Variants in TRPM1 observed in about 807,000 individuals in gnomAD.
TRPM1 encodes the protein transient receptor potential cation channel subfamily M member 1, also known as TRPM1-203 APA Isoform, Intron 10.
In TRPM1, 113 loss-of-function variants were observed where a neutral mutation model predicts 149.4. The ratio of observed to expected loss-of-function variants is 0.76; its 90% CI spans 0.65 to 0.88. The LOEUF (loss-of-function observed/expected upper bound fraction) is 0.88, where lower values mean the gene tolerates loss of function less well. TRPM1 is among the 40% of genes least tolerant of loss of function. The probability of loss-of-function intolerance (pLI) is 0.00; values close to 1 mark genes in which losing one functional copy is unlikely to be tolerated. For synonymous variants in TRPM1, 741 were observed against 759.5 expected, an observed-to-expected ratio of 0.98 and a Z score of 0.40; for missense variants, 1,976 against 2,038.7, an observed-to-expected ratio of 0.97 and a Z score of 0.59.
chr15:31,060,698 G>A, intron 10 of TRPM1, 54 bp from the exon 11 acceptor site: 1 of 1,457,708 alleles, frequency 6.9e-7, no homozygotes. Flanking sequence ...GACCGCCAGG[G>A]TTTGGCAGGT....
At chr15:31,034,315 T>G (rs957454811) in intron 21 of TRPM1, among the ~76,000 whole-genome samples, 1 of 152,220 alleles carries the variant, frequency 6.6e-6, no homozygotes, top group Non-Finnish European at 1.5e-5. Context: ...AATACTGAGT[T>G]GAAAATCCTG....
intron 20 of TRPM1, 195 bp from the exon 21 acceptor site, chr15:31,035,869 T>C (rs2033344777): frequency 1.4e-6 from 1 of 714,150 alleles, no homozygotes; most frequent in South Asian, 1.7e-5. Flanking sequence ...AGGCATTTTA[T>C]ACTTCAGCAC....
At chr15:31,020,520 T>C (rs1489800546) in intron 27 of TRPM1, among the ~76,000 whole-genome samples, 1 of 152,214 alleles carries the variant, frequency 6.6e-6, no homozygotes, top group Non-Finnish European at 1.5e-5. Context: ...AGCCATGTTA[T>C]CTAATTTAAC....
At position 31,113,562 on chromosome 15, in the gene TRPM1, T is replaced by TA. The variant is rs200171863; in HGVS notation, c.55-36579dup. On this transcript the variant is annotated intron_variant, in intron 1 of 26. Transcript: ENST00000542188. Reference sequence around the variant, plus strand: ...TTTGTACTCCTAAAATGTTTTTTTTTAACTTTAGGTTCCCCCATACAACTG... The same window carrying TA: ...TTTGTACTCCTAAAATGTTTTTTTTTAAACTTTAGGTTCCCCCATACAACTG... 2.5e-3 allele frequency among the ~76,000 whole-genome samples: 377 copies of TA among 152,314 alleles called. 1 individual carries two copies. Among genetic ancestry groups the TA allele is most frequent in the African/African-American group, 8.8e-3 (365 of 41,552 alleles).
intron 1 of TRPM1, among the ~76,000 whole-genome samples, chr15:31,145,251 T>G (rs903441884): frequency 2.0e-5 from 3 of 152,150 alleles, no homozygotes; most frequent in African/African-American, 7.2e-5. Context: ...GTCAGAGACG[T>G]TCAAACTGGA....
At chr15:31,079,186 T>C (rs766987776) in intron 2 of TRPM1, among the ~76,000 whole-genome samples, 3 of 152,212 alleles carry the variant, frequency 2.0e-5, no homozygotes, top group Non-Finnish European at 4.4e-5. Flanking sequence ...TATAGAGATA[T>C]AACATATTGC....
At chr15:31,088,804 G>GC (rs1458766026) in intron 1 of TRPM1, among the ~76,000 whole-genome samples, 1 of 151,940 alleles carries the variant, frequency 6.6e-6, no homozygotes, top group African/African-American at 2.4e-5. Context: ...CTTTCTGCTG[G>GC]GGGGATGCGT....
chr15:31,059,183 G>A (rs1404954148), intron 11 of TRPM1, among the ~76,000 whole-genome samples: 3 of 152,062 alleles, frequency 2.0e-5, no homozygotes, highest in Non-Finnish European at 4.4e-5. Flanking sequence ...ATTACCAAGT[G>A]GAGAATTGAT....
rs1407053683 is a variant in TRPM1, at chr15:31,040,756, G to A, written c.2088-410C>T. On this transcript the variant is annotated intron_variant, in intron 17 of 27. Transcript: ENST00000256552. This position sits in a 1 kb window ranked among gnomAD's most constrained non-coding sequence, Gnocchi z 4.2. ...GGCCACAGTAGCGGGGCTGCTGGTG[G>A]TGGTGGTGGCGGGAGGTGGACACTG... is the stretch of plus-strand genomic sequence containing the variant. Among the ~76,000 whole-genome samples the A allele has an allele frequency of 3.3e-5, 5 of 152,232 alleles. No homozygotes were observed. The highest frequency in any genetic ancestry group is 5.9e-5 in the Non-Finnish European group (4 of 68,042).
At chr15:31,013,891 T>C (rs1006235836) in intron 27 of TRPM1, among the ~76,000 whole-genome samples, 25 of 152,222 alleles carry the variant, frequency 1.6e-4, no homozygotes, top group African/African-American at 5.5e-4. Context: ...TTTCCTTAAA[T>C]GTGTGGAACA....
chr15:31,030,927 C>A, intron 23 of TRPM1, 56 bp downstream of exon 23: 6 of 1,599,062 alleles, frequency 3.8e-6, no homozygotes, highest in Non-Finnish European at 5.1e-6. Flanking sequence ...TAATTTGGAA[C>A]TGATCATCTG....
At chr15:31,113,762 G>C (rs144750683) in intron 1 of TRPM1, among the ~76,000 whole-genome samples, 1 of 152,152 alleles carries the variant, frequency 6.6e-6, no homozygotes, top group African/African-American at 2.4e-5. Context: ...GGACCTTCCC[G>C]GTGAGTGTTA....
chr15:31,091,832 A>G (rs548196343), intron 1 of TRPM1, among the ~76,000 whole-genome samples: 1 of 152,292 alleles, frequency 6.6e-6, no homozygotes, highest in East Asian at 1.9e-4. Flanking sequence ...TTATGGGAAA[A>G]CAAAACAAAA....
In TRPM1 at chr15:31,022,885, G is replaced by A. The variant is rs190705956; in HGVS notation, c.3629+3254C>T. On this transcript the variant is annotated intron_variant, in intron 27 of 27. Coordinates refer to ENST00000256552, the MANE Select transcript of TRPM1 (RefSeq NM_001252024.2). ...AAAATAAAAAAAATTAGCTGGGCGT[G>A]GTGGCACATACATGTATTCCCAGCT... is the stretch of plus-strand genomic sequence containing the variant. Among the ~76,000 whole-genome samples the A allele has an allele frequency of 1.7e-3, 261 of 152,326 alleles. 2 individuals carry two copies. The highest frequency in any genetic ancestry group is 2.8e-3 in the Non-Finnish European group (190 of 68,026).
chr15:31,156,063 G>C (rs1478388912), intron 1 of TRPM1, among the ~76,000 whole-genome samples: 1 of 151,832 alleles, frequency 6.6e-6, no homozygotes, highest in Non-Finnish European at 1.5e-5. Context: ...CAGGCATGGT[G>C]GTGGGCACCT....
rs1422098714 is a variant in TRPM1, at chr15:31,058,986, G to A, written c.1263+1558C>T. 2.6e-5 allele frequency among the ~76,000 whole-genome samples: 4 copies of A among 152,194 alleles called. No homozygotes were observed. In the East Asian group the frequency reaches 5.8e-4, roughly 22 times the overall value. ...TAGTCCCAGCTACTTGGGAGGCTGA[G>A]GCAGGAGAATCGCTTGAATCCGGGA... On this transcript the variant is annotated intron_variant, in intron 11 of 27. Coordinates refer to ENST00000256552, the MANE Select transcript of TRPM1 (RefSeq NM_001252024.2).
intron 1 of TRPM1, among the ~76,000 whole-genome samples, chr15:31,084,005 C>A (rs1192391279): frequency 6.6e-6 from 1 of 152,146 alleles, no homozygotes; most frequent in African/African-American, 2.4e-5. Flanking sequence ...GGCTGGCTTG[C>A]AGGAAATGCT....
At chr15:31,074,112 C>T (rs986906872) in intron 3 of TRPM1, among the ~76,000 whole-genome samples, 2 of 151,184 alleles carry the variant, frequency 1.3e-5, no homozygotes, top group African/African-American at 4.8e-5. Context: ...GTATTTTGTT[C>T]AGAATTTCTG....
chr15:31,080,705 C>G (rs920736378), intron 2 of TRPM1, among the ~76,000 whole-genome samples: 1 of 145,178 alleles, frequency 6.9e-6, no homozygotes, highest in Non-Finnish European at 1.5e-5. Context: ...CCTCTCAGCC[C>G]GGTCCTCCAG....
Sources: gnomAD v4.1 joint callset for allele counts (sites outside exome capture counted in the v4.1 genomes callset) on GRCh38, gnomAD v4.1.1 for gene constraint, Gnocchi (gnomAD v3.1) non-coding constraint, MANE v1.5 for transcripts, NCBI Gene and HGNC (gene_info 2026-07-23, HGNC 2026-07-21) for gene names.